The following FGF13 variants were observed in gnomAD, a reference collection of about 807,000 sequenced individuals.
The protein encoded by FGF13 is fibroblast growth factor homologous factor 2.
In FGF13, 2 loss-of-function variants were observed where a neutral mutation model predicts 19.5. The ratio of observed to expected loss-of-function variants is 0.10; its 90% CI spans 0.04 to 0.32. FGF13 has a LOEUF of 0.32. FGF13 is among the 10% of genes least tolerant of loss of function. The pLI is 1.00. For missense variants in FGF13, 113 were observed against 192.7 expected, an observed-to-expected ratio of 0.59 and a Z score of 2.45; for synonymous variants, 72 against 76.9, an observed-to-expected ratio of 0.94 and a Z score of 0.33.
At position 138,890,888 on chromosome X, in the gene FGF13, G is replaced by C. The variant is rs1047281927; in HGVS notation, c.-112-26238C>G. 2.7e-5 allele frequency among the ~76,000 whole-genome samples: 3 copies of C among 112,039 alleles called. No individual in the cohort carries two copies. The Admixed American group carries it at 2.8e-4, about 11-fold the overall frequency. Reference sequence around the variant, plus strand: ...TCAATGGATGTATGTTTCTGTGATTGGTATTATTGCTGTTGTCATTTCTGT... The same window carrying C: ...TCAATGGATGTATGTTTCTGTGATTCGTATTATTGCTGTTGTCATTTCTGT... On this transcript the variant is annotated intron_variant, in intron 1 of 2. Coordinates refer to the FGF13 transcript ENST00000421460.
intron 1 of FGF13, among the ~76,000 whole-genome samples, chrX:138,911,329 G>A (rs2091586509): frequency 9.1e-6 from 1 of 110,466 alleles, no homozygotes; most frequent in African/African-American, 3.3e-5. Flanking sequence ...GGATGGAGCT[G>A]GAGGCCATCA....
chrX:138,871,625 G>T (rs2091357600), intron 1 of FGF13, among the ~76,000 whole-genome samples: 2 of 112,312 alleles, frequency 1.8e-5, no homozygotes, highest in Admixed American at 1.9e-4. Context: ...TAATATAGAA[G>T]TCCTCACTAA....
chrX:138,958,233 G>C (rs1343841915), intron 1 of FGF13, among the ~76,000 whole-genome samples: 6 of 111,846 alleles, frequency 5.4e-5, no homozygotes, highest in African/African-American at 1.9e-4. Flanking sequence ...TTTTTAGCAG[G>C]AAGGGCTGTT....
intron 3 of FGF13, among the ~76,000 whole-genome samples, chrX:138,801,134 T>A (rs1175658579): frequency 9.0e-6 from 1 of 111,712 alleles, no homozygotes; most frequent in East Asian, 2.8e-4. Flanking sequence ...TGAAGAGGAG[T>A]TACAATCATT....
At chrX:138,775,956 C>G (rs1369251912) in intron 3 of FGF13, among the ~76,000 whole-genome samples, 1 of 112,361 alleles carries the variant, frequency 8.9e-6, no homozygotes, top group Non-Finnish European at 1.9e-5. Flanking sequence ...TTGCCGGTCT[C>G]TACCCTGGAG....
chrX:139,140,765 A>C (rs1240956691), intron 1 of FGF13, among the ~76,000 whole-genome samples: 1 of 110,656 alleles, frequency 9.0e-6, no homozygotes, highest in Non-Finnish European at 1.9e-5. Context: ...TCAACATGAA[A>C]ACTAAAATCC....
intron 3 of FGF13, among the ~76,000 whole-genome samples, chrX:138,814,182 C>T (rs1324104512): frequency 1.8e-5 from 2 of 108,307 alleles, no homozygotes; most frequent in South Asian, 7.9e-4. Flanking sequence ...TAATATAATC[C>T]CAATAAAAAT....
chrX:139,185,222 G>A (rs1404955595), intron 1 of FGF13, among the ~76,000 whole-genome samples: 2 of 111,739 alleles, frequency 1.8e-5, no homozygotes, highest in African/African-American at 3.3e-5. Context: ...CTTCATTATG[G>A]CAAATCATGA....
chrX:138,937,275 G>A (rs1349515160), intron 1 of FGF13, among the ~76,000 whole-genome samples: 5 of 111,309 alleles, frequency 4.5e-5, no homozygotes, highest in African/African-American at 9.8e-5. Context: ...ATCATGGGGC[G>A]AGATGGCAAG....
chrX:139,003,941 C>T (rs1211024210), intron 1 of FGF13, among the ~76,000 whole-genome samples: 1 of 112,851 alleles, frequency 8.9e-6, no homozygotes, highest in Non-Finnish European at 1.9e-5. Flanking sequence ...CCCCACCAGA[C>T]TCAGGAGCCC....
chrX:138,632,889 C>G lies in FGF13; in HGVS notation c.699G>C (p.Leu233=). 4.1e-6 allele frequency: 5 copies of G among 1,210,485 alleles called. No individual in the cohort carries two copies. Among genetic ancestry groups the G allele is most frequent in the Non-Finnish European group, 5.6e-6 (5 of 894,942 alleles). ...PTKSRSVSGV[L]NGGKSMSHNE... is the part of the protein sequence containing the mutation. ...TGTGGCTCATGGATTTGCCTCCGTT[C>G]AGCACGCCAGAGACACTTCTGCTCT... is the stretch of plus-strand genomic sequence containing the variant. The change falls in exon 5 of 5, where the codon CTG becomes CTC. Residue 233 remains leucine (L), a synonymous_variant. Transcript: ENST00000315930.
At chrX:139,022,870 G>A (rs1033743519) in intron 1 of FGF13, among the ~76,000 whole-genome samples, 3 of 111,481 alleles carry the variant, frequency 2.7e-5, no homozygotes, top group Non-Finnish European at 5.7e-5. Context: ...GCAAGCAGCT[G>A]CATGTCCTCT....
intron 3 of FGF13, among the ~76,000 whole-genome samples, chrX:138,841,411 A>G (rs1200863529): frequency 8.9e-6 from 1 of 111,767 alleles, no homozygotes; most frequent in Admixed American, 9.5e-5. Context: ...CATTTTAACT[A>G]TGCATAAAGT....
chrX:138,697,810 A>AT (rs1055728820), intron 3 of FGF13, among the ~76,000 whole-genome samples: 2 of 110,954 alleles, frequency 1.8e-5, no homozygotes, highest in African/African-American at 3.3e-5. Context: ...TAGAACGGGA[A>AT]TTTTTTTTAT....
chrX:138,640,449 G>A (rs1164616905), intron 3 of FGF13, among the ~76,000 whole-genome samples: 1 of 112,382 alleles, frequency 8.9e-6, no homozygotes, highest in African/African-American at 3.2e-5. Context: ...GTTACAGTCA[G>A]AAGAAGCAAT....
intron 1 of FGF13, among the ~76,000 whole-genome samples, chrX:138,998,668 C>T (rs2092055809): frequency 9.0e-6 from 1 of 111,696 alleles, no homozygotes; most frequent in Admixed American, 9.5e-5. Flanking sequence ...AATACAGGAA[C>T]ACCCAGATTC....
At position 138,983,883 on chromosome X, in the gene FGF13, T is replaced by C. The variant is rs191713638; in HGVS notation, c.-112-119233A>G. On this transcript the variant is annotated intron_variant, in intron 1 of 2. Transcript: ENST00000421460. ...TAAAGTTTCAGTTATGAAAGATGAT[T>C]AAGTTCTAGAGATCTGTTTAACATT... Among the ~76,000 whole-genome samples the C allele has an allele frequency of 2.1e-4, 13 of 62,429 alleles. No individual in the cohort carries two copies. The Admixed American group carries it at 2.3e-3, about 11-fold the overall frequency. 54.2% of individuals were successfully genotyped at this position (62,429 alleles called of 115,157 possible). A position where few individuals can be genotyped will look rare whatever the true frequency, so the allele number is the denominator to read the frequency against.
intron 1 of FGF13, among the ~76,000 whole-genome samples, chrX:139,048,039 T>A (rs1042545644): frequency 9.0e-6 from 1 of 111,492 alleles, no homozygotes; most frequent in African/African-American, 3.3e-5. Context: ...TTTTTTTCTT[T>A]AAAGAACATG....
chrX:138,669,587 C>T (rs966631172), intron 3 of FGF13, among the ~76,000 whole-genome samples: 4 of 110,961 alleles, frequency 3.6e-5, no homozygotes, highest in African/African-American at 1.3e-4. Context: ...TGCATGAAAG[C>T]GGCATGCAGT....
Sources: gnomAD v4.1 joint callset for allele counts (sites outside exome capture counted in the v4.1 genomes callset) on GRCh38, gnomAD v4.1.1 for gene constraint, MANE v1.5 for transcripts, NCBI Gene and HGNC (gene_info 2026-07-23, HGNC 2026-07-21) for gene names.